The following EIPR1 variants were observed in gnomAD, a reference collection of about 807,000 sequenced individuals.
The protein encoded by EIPR1 is EARP and GARP complex-interacting protein 1.
EIPR1 carries 25 observed loss-of-function variants against 48.1 expected under a neutral mutation model. The observed-to-expected ratio is 0.52, with a 90% confidence interval of 0.38 to 0.73. EIPR1 has a LOEUF of 0.73. Ranked by LOEUF, EIPR1 falls within the 30% of genes least tolerant of loss-of-function variation. EIPR1 has a pLI of 0.00. For synonymous variants in EIPR1, 204 were observed against 201.9 expected, an observed-to-expected ratio of 1.01 and a Z score of -0.09; for missense variants, 415 against 506.2, an observed-to-expected ratio of 0.82 and a Z score of 1.73.
chr2:3,212,334 C>A (rs1665485194), intron 5 of EIPR1, among the ~76,000 whole-genome samples: 1 of 152,182 alleles, frequency 6.6e-6, no homozygotes, highest in African/African-American at 2.4e-5. Context: ...GTGGGGTCTC[C>A]TTTCTCCCCG....
chr2:3,196,303 C>T (rs1156331511), intron 6 of EIPR1, among the ~76,000 whole-genome samples: 1 of 152,208 alleles, frequency 6.6e-6, no homozygotes, highest in Non-Finnish European at 1.5e-5. Flanking sequence ...CTTAAAAAAG[C>T]TTGTGTGGGC....
chr2:3,200,604 C>T (rs112289283), intron 5 of EIPR1, among the ~76,000 whole-genome samples: 4 of 146,584 alleles, frequency 2.7e-5, no homozygotes, highest in Non-Finnish European at 6.0e-5. Flanking sequence ...GCAGCCGCCA[C>T]GTGTGGGGCC....
At chr2:3,268,985 A>G (rs4504024) in intron 3 of EIPR1, among the ~76,000 whole-genome samples, 104,125 of 152,092 alleles carry the variant, frequency 0.68, 36,024 homozygotes, top group East Asian at 0.81. Context: ...GGCCTCTGGG[A>G]GGCCCACGGG....
At chr2:3,191,375 A>G (rs1437374593) in intron 8 of EIPR1, among the ~76,000 whole-genome samples, 2 of 151,708 alleles carry the variant, frequency 1.3e-5, no homozygotes, top group South Asian at 2.1e-4. Flanking sequence ...GACAGAGACA[A>G]TCAGATGGGC....
intron 4 of EIPR1, among the ~76,000 whole-genome samples, chr2:3,256,310 G>A (rs1329859939): frequency 6.6e-6 from 1 of 152,092 alleles, no homozygotes; most frequent in Non-Finnish European, 1.5e-5. Context: ...ATTAATGGCT[G>A]CTCCTTCCGG....
intron 8 of EIPR1, 144 bp downstream of exon 8, chr2:3,192,270 G>T: frequency 9.9e-7 from 1 of 1,014,798 alleles, no homozygotes; most frequent in Non-Finnish European, 1.3e-6. Flanking sequence ...GGAACTGTGA[G>T]TCCCCACAGC....
intron 7 of EIPR1, 50 bp from the exon 8 acceptor site, chr2:3,192,631 AC>A: frequency 6.3e-7 from 1 of 1,590,034 alleles, no homozygotes; most frequent in South Asian, 1.1e-5. Flanking sequence ...CGCAGGCAAC[AC>A]CAACAATGGA....
At chr2:3,257,110 A>C (rs892069197) in intron 4 of EIPR1, among the ~76,000 whole-genome samples, 189 bp downstream of exon 4, 20 of 152,166 alleles carry the variant, frequency 1.3e-4, no homozygotes, top group African/African-American at 4.8e-4. Flanking sequence ...CGCTGGCTAC[A>C]TTTCTGTCAA....
chr2:3,261,735 G>C (rs1667340990), intron 3 of EIPR1: 1 of 152,220 alleles, frequency 6.6e-6, no homozygotes, highest in Admixed American at 6.5e-5. Context: ...CTGAGTCTGT[G>C]GGCGCACCTG....
At chr2:3,350,324 C>T (rs1670534808) in intron 2 of EIPR1, among the ~76,000 whole-genome samples, 1 of 152,060 alleles carries the variant, frequency 6.6e-6, no homozygotes, top group Admixed American at 6.6e-5. Flanking sequence ...GGATGTGCCA[C>T]ACCCTTTCAA....
chr2:3,196,388 G>A (rs986456795), intron 6 of EIPR1, among the ~76,000 whole-genome samples: 8 of 152,124 alleles, frequency 5.3e-5, no homozygotes, highest in South Asian at 4.1e-4. Flanking sequence ...CGGAAAACTC[G>A]CTCTTATTTG....
Position 3,370,074 on chromosome 2 carries a change from G to A in EIPR1, c.42+7574C>T, listed in dbSNP as rs183434355. ...GGAACGATCATACAGCAACATTCGC[G>A]GATCACGAAAATCCGCGGTTCTGCA... On this transcript the variant is annotated intron_variant, in intron 1 of 8. Coordinates refer to ENST00000382125, the MANE Select transcript of EIPR1 (RefSeq NM_003310.5). 2.3e-3 allele frequency among the ~76,000 whole-genome samples: 351 copies of A among 152,204 alleles called. 2 individuals carry two copies. Among genetic ancestry groups the A allele is most frequent in the Middle Eastern group, 0.017 (5 of 294 alleles).
chr2:3,202,286 C>CA (rs1190292208), intron 5 of EIPR1, among the ~76,000 whole-genome samples: 1 of 152,164 alleles, frequency 6.6e-6, no homozygotes, highest in Admixed American at 6.5e-5. Context: ...GAAGAAATAC[C>CA]TTTGTAGTAT....
chr2:3,221,690 ATT>A (rs1199817512), intron 4 of EIPR1, among the ~76,000 whole-genome samples: 850 of 20,548 alleles, frequency 0.041, 290 homozygotes, highest in Middle Eastern at 0.12. Context: ...ACTCTAGAGC[ATT>A]CACAGTGAGA....
intron 3 of EIPR1, among the ~76,000 whole-genome samples, chr2:3,313,057 A>G (rs539607064): frequency 6.6e-6 from 1 of 152,326 alleles, no homozygotes; most frequent in Admixed American, 6.5e-5. Context: ...TACAGGACGT[A>G]TATTACCTAT....
At position 3,375,388 on chromosome 2, in the gene EIPR1, T is replaced by TA. The variant is rs55645100; in HGVS notation, c.42+2259dup. ...TAAAACTTAAAATATAATAATAATT[T>TA]AAAAAAAAAAGAGAGAAAAAAAAGA... On this transcript the variant is annotated intron_variant, in intron 1 of 8. Coordinates refer to ENST00000382125, the MANE Select transcript of EIPR1 (RefSeq NM_003310.5). 1.6e-3 allele frequency among the ~76,000 whole-genome samples: 233 copies of TA among 148,294 alleles called. 1 individual carries two copies. Among genetic ancestry groups the TA allele is most frequent in the African/African-American group, 5.5e-3 (220 of 40,138 alleles).
At chr2:3,335,937 C>T (rs12469305) in intron 3 of EIPR1, among the ~76,000 whole-genome samples, 22 of 152,180 alleles carry the variant, frequency 1.4e-4, no homozygotes, top group Admixed American at 1.1e-3. Flanking sequence ...CACAGCAGTG[C>T]GAGAATGGAC....
intron 3 of EIPR1, among the ~76,000 whole-genome samples, chr2:3,295,550 C>A (rs1439659931): frequency 2.2e-5 from 3 of 133,632 alleles, no homozygotes; most frequent in Non-Finnish European, 4.8e-5. Flanking sequence ...ACCCTCCATC[C>A]AGCCCATCCT....
At chr2:3,215,361 G>C (rs1665595569) in intron 4 of EIPR1, among the ~76,000 whole-genome samples, 1 of 152,200 alleles carries the variant, frequency 6.6e-6, no homozygotes, top group African/African-American at 2.4e-5. Flanking sequence ...GCTTAGAGCA[G>C]GGCAGAGGAG....
Sources: allele counts gnomAD v4.1 joint callset (sites outside exome capture counted in the v4.1 genomes callset), GRCh38; gene constraint gnomAD v4.1.1; transcripts MANE v1.5; gene names NCBI Gene and HGNC (gene_info 2026-07-23, HGNC 2026-07-21).